The following FBXO4 variants were observed in gnomAD, a reference collection of about 807,000 sequenced individuals.
FBXO4 encodes F-box protein 4, also known as F-box only protein 4.
A neutral mutation model predicts 43.7 loss-of-function variants in FBXO4; 36 were observed. The observed-to-expected ratio is 0.82, with a 90% confidence interval of 0.63 to 1.09. The LOEUF is 1.09. Among genes scored for constraint, FBXO4 ranks in the 50% least tolerant of loss-of-function variants. FBXO4 has a pLI of 0.00. For synonymous variants in FBXO4, 180 were observed against 165.6 expected (o/e 1.09, Z -0.67); for missense variants, 435 against 474.1 (o/e 0.92, Z 0.77).
the FBXO4 span, among the ~76,000 whole-genome samples, chr5:42,017,452 CTTT>C: frequency 5.3e-5 from 8 of 150,328 alleles, no homozygotes; most frequent in South Asian, 1.5e-3. Flanking sequence ...CTTTTTCAAC[CTTT>C]ATTTTAGCTT....
chr5:41,999,518 T>TACAC, the FBXO4 span, among the ~76,000 whole-genome samples: 1 of 115,356 alleles, frequency 8.7e-6, no homozygotes, highest in African/African-American at 4.2e-5. Context: ...TATATATATA[T>TACAC]ATATACATAT....
Position 41,934,273 on chromosome 5 carries a change from G to A in FBXO4, c.863G>A (p.Gly288Glu). The A allele has an allele frequency of 6.2e-7, 1 of 1,614,030 alleles. No individual in the cohort carries two copies. Among genetic ancestry groups the A allele is most frequent in the Non-Finnish European group, 8.5e-7 (1 of 1,179,970 alleles). Residue 288 changes from glycine to glutamate, a missense_variant, in exon 5 of 7, where the codon GGG (glycine) becomes GAG (glutamate). Physicochemically the swap from Gly to Glu is moderately conservative, Grantham distance 98. Coordinates refer to ENST00000281623, the MANE Select transcript of FBXO4 (RefSeq NM_012176.3). The part of the protein sequence containing the change: ...QIQKVCEVVD[G>E]FIYVANAEAH... ...CAAAAAGTGTGTGAAGTTGTAGATG[G>A]GTTCATCTATGTTGCAAATGCTGAA...
intron 3 of FBXO4, among the ~76,000 whole-genome samples, chr5:41,932,878 C>A (rs575141360): frequency 2.0e-5 from 3 of 152,056 alleles, no homozygotes; most frequent in African/African-American, 7.2e-5. Context: ...GGAGAACCAG[C>A]CACTTAGTGT....
chr5:42,010,593 T>C, the FBXO4 span, among the ~76,000 whole-genome samples: 1 of 152,158 alleles, frequency 6.6e-6, no homozygotes, highest in African/African-American at 2.4e-5. Context: ...TACCCATTCT[T>C]CCACTGATGG....
the FBXO4 span, among the ~76,000 whole-genome samples, chr5:42,028,825 A>G: frequency 1.3e-5 from 2 of 151,756 alleles, no homozygotes; most frequent in African/African-American, 4.8e-5. Flanking sequence ...AAAAAAACCA[A>G]CTCTATGCCT....
chr5:41,960,473 A>G, the FBXO4 span, among the ~76,000 whole-genome samples: 1 of 152,112 alleles, frequency 6.6e-6, no homozygotes, highest in Non-Finnish European at 1.5e-5. Context: ...TGAGTACGAT[A>G]TTAGCTGTGG....
At chr5:41,972,255 G>T in the FBXO4 span, among the ~76,000 whole-genome samples, 4 of 152,024 alleles carry the variant, frequency 2.6e-5, no homozygotes, top group Non-Finnish European at 1.5e-5. Context: ...ATGTTTCAGG[G>T]TATAAAAATC....
the FBXO4 span, among the ~76,000 whole-genome samples, chr5:41,964,386 C>A: frequency 4.0e-5 from 6 of 151,624 alleles, no homozygotes; most frequent in Admixed American, 3.9e-4. Flanking sequence ...CTCTTTTTTT[C>A]ATACCACAGC....
the FBXO4 span, among the ~76,000 whole-genome samples, chr5:41,990,653 C>A: frequency 6.6e-6 from 1 of 152,074 alleles, no homozygotes; most frequent in East Asian, 1.9e-4. Context: ...TTTTGGACAG[C>A]ATTGTAGATA....
At chr5:41,930,723 A>T (rs1277772366) in intron 3 of FBXO4, among the ~76,000 whole-genome samples, 1 of 147,202 alleles carries the variant, frequency 6.8e-6, no homozygotes, top group Non-Finnish European at 1.5e-5. Flanking sequence ...GCTGGAGTGC[A>T]GTGGCGCGAT....
the FBXO4 span, chr5:41,963,825 T>A: frequency 6.6e-6 from 1 of 152,156 alleles, no homozygotes; most frequent in African/African-American, 2.4e-5. Context: ...TAAACCTACA[T>A]GGTTCACAGG....
At chr5:41,950,535 ACAG>A in the FBXO4 span, among the ~76,000 whole-genome samples, 1 of 152,234 alleles carries the variant, frequency 6.6e-6, no homozygotes, top group Non-Finnish European at 1.5e-5. Context: ...GCCAGTTAGA[ACAG>A]CAATCATTAC....
chr5:41,955,923 C>T, the FBXO4 span, among the ~76,000 whole-genome samples: 1 of 152,170 alleles, frequency 6.6e-6, no homozygotes, highest in African/African-American at 2.4e-5. Context: ...AGACTCAATA[C>T]TGCTCTGCTT....
the FBXO4 span, among the ~76,000 whole-genome samples, chr5:42,017,762 G>A: frequency 6.6e-6 from 1 of 151,344 alleles, no homozygotes; most frequent in South Asian, 2.1e-4. Flanking sequence ...TTGCTGCAAA[G>A]AACATGATTT....
downstream of FBXO4, among the ~76,000 whole-genome samples, chr5:41,946,228 A>G (rs761363077): frequency 1.3e-5 from 2 of 151,996 alleles, no homozygotes; most frequent in African/African-American, 4.8e-5. Flanking sequence ...CTGGGAACAA[A>G]GAGAGAGCCC....
chr5:41,977,126 T>C, the FBXO4 span, among the ~76,000 whole-genome samples: 1 of 152,184 alleles, frequency 6.6e-6, no homozygotes, highest in Non-Finnish European at 1.5e-5. Flanking sequence ...CAAACCATTC[T>C]TTCCTCCTAG....
At chr5:42,007,590 T>G in the FBXO4 span, among the ~76,000 whole-genome samples, 1 of 152,156 alleles carries the variant, frequency 6.6e-6, no homozygotes, top group South Asian at 2.1e-4. Flanking sequence ...CCCAGTCCCT[T>G]GCTTAATCTC....
At chr5:41,953,961 T>C in the FBXO4 span, among the ~76,000 whole-genome samples, 2 of 152,168 alleles carry the variant, frequency 1.3e-5, no homozygotes, top group African/African-American at 4.8e-5. Flanking sequence ...TCTGAATAAG[T>C]AAACTAGCAT....
At chr5:41,992,956 T>A in the FBXO4 span, among the ~76,000 whole-genome samples, 1 of 152,210 alleles carries the variant, frequency 6.6e-6, no homozygotes, top group Non-Finnish European at 1.5e-5. Flanking sequence ...TCATGCTCTT[T>A]TAAGTGGAGA....
Sources: allele counts gnomAD v4.1 joint callset (sites outside exome capture counted in the v4.1 genomes callset), GRCh38; gene constraint gnomAD v4.1.1; transcripts MANE v1.5; gene names NCBI Gene and HGNC (gene_info 2026-07-23, HGNC 2026-07-21).